The following ZKSCAN8 variants were observed in gnomAD, a reference collection of about 807,000 sequenced individuals.
The protein encoded by ZKSCAN8 is zinc finger protein with KRAB and SCAN domains 8.
Under a neutral mutation model 57.2 loss-of-function variants are expected in ZKSCAN8, and 27 were observed. The observed-to-expected ratio is 0.47, with a 90% CI of 0.35 to 0.65. The LOEUF (loss-of-function observed/expected upper bound fraction) is 0.65. ZKSCAN8 is among the 30% of genes least tolerant of loss of function. ZKSCAN8 has a pLI of 0.01. For synonymous variants in ZKSCAN8, 214 were observed against 248.7 expected (o/e 0.86, Z 1.31); for missense variants, 597 against 696.3 (o/e 0.86, Z 1.60).
At position 28,144,084 on chromosome 6, in the gene ZKSCAN8, G is replaced by T. The variant is rs144858115; in HGVS notation, c.-93+2055G>T. Among the ~76,000 whole-genome samples, 108 of 152,094 alleles carry T rather than the reference G, an allele frequency of 7.1e-4. No individual in the cohort carries two copies. The highest frequency in any genetic ancestry group is 4.6e-3 in the South Asian group (22 of 4,804). ...ATTTAACCATATCTTTTGCTCCTTGGTTCTTCTGATCTGTAGTTTACTCTC... is the reference window on the plus strand; with the variant it reads ...ATTTAACCATATCTTTTGCTCCTTGTTTCTTCTGATCTGTAGTTTACTCTC... On this transcript the variant is annotated intron_variant, in intron 1 of 5. Coordinates refer to ENST00000330236, the MANE Select transcript of ZKSCAN8 (RefSeq NM_006298.4). This position sits in a 1 kb window ranked among gnomAD's most constrained non-coding sequence, Gnocchi z 4.5.
rs762927371 is a variant in ZKSCAN8, at chr6:28,153,653, G to A, written c.1373G>A (p.Gly458Glu). Residue 458 changes from glycine to glutamate, a missense_variant, in exon 6 of 6, where the codon GGG (glycine) becomes GAG (glutamate). Coordinates refer to ENST00000330236, the MANE Select transcript of ZKSCAN8 (RefSeq NM_006298.4). ...ATTGGACATCAGAGAATCCACACTG[G>A]GGAGAAGCCCTATGAGTGTGATGAG... Reference protein sequence around the residue: ...HLIGHQRIHTGEKPYECDECG... With the variant: ...HLIGHQRIHTEEKPYECDECG... 6.2e-7 allele frequency: 1 copy of A among 1,613,926 alleles called. No homozygotes were observed. Among genetic ancestry groups the A allele is most frequent in the South Asian group, 1.1e-5 (1 of 91,070 alleles).
chr6:28,151,010 T>A (rs1765574221), intron 3 of ZKSCAN8, among the ~76,000 whole-genome samples: 2 of 152,160 alleles, frequency 1.3e-5, no homozygotes, highest in Admixed American at 1.3e-4. Flanking sequence ...TTCACTGTGT[T>A]GGCCAGGCTG....
chr6:28,141,637 G>A (rs931608141), upstream of ZKSCAN8, among the ~76,000 whole-genome samples: 13 of 152,224 alleles, frequency 8.5e-5, no homozygotes, highest in Middle Eastern at 3.2e-3. Flanking sequence ...GCGAGCGCGC[G>A]GAGCTGCATG....
rs1346416818 is a variant in ZKSCAN8 at position 28,155,777 on chromosome 6, A to G, written c.*1760A>G. 5.4e-6 allele frequency: 1 copy of G among 184,816 alleles called. No homozygotes were observed. Among genetic ancestry groups the G allele is most frequent in the Non-Finnish European group, 1.1e-5 (1 of 90,180 alleles). The allele number at this position is 184,816 out of a possible 1,614,324, so 11.4% of individuals were successfully genotyped here. ...TTGGATCATAAATTCTTTCCCTATA[A>G]CATTCCTTCTCTGCCTCTCTATGGC... On this transcript the variant is annotated 3_prime_UTR_variant, in exon 6 of 6. Coordinates refer to ENST00000330236, the MANE Select transcript of ZKSCAN8 (RefSeq NM_006298.4).
At chr6:28,147,387 T>C (rs1765433081) in intron 1 of ZKSCAN8, among the ~76,000 whole-genome samples, 1 of 152,098 alleles carries the variant, frequency 6.6e-6, no homozygotes, top group African/African-American at 2.4e-5. Context: ...ACAAAAACAA[T>C]ATCAAGTGCT....
rs1765779839 is a variant in ZKSCAN8 at position 28,156,263 on chromosome 6, C to T, written c.*2246C>T. The T allele has an allele frequency of 2.5e-6, 1 of 398,102 alleles. No homozygotes were observed. The highest frequency in any genetic ancestry group is 4.4e-5 in the Admixed American group (1 of 22,702). 24.7% of individuals were successfully genotyped at this position (398,102 alleles called of 1,614,324 possible). Reference sequence around the variant, plus strand: ...TCCTTTTAGCAATGCAACATATTAACAAAATTGGGTGCATTCAGGGTGGTA... The same window carrying T: ...TCCTTTTAGCAATGCAACATATTAATAAAATTGGGTGCATTCAGGGTGGTA... On this transcript the variant is annotated 3_prime_UTR_variant, in exon 6 of 6. Transcript: ENST00000330236.
At position 28,155,345 on chromosome 6, in the gene ZKSCAN8, G is replaced by T. The variant is rs1055016325; in HGVS notation, c.*1328G>T. 1 of 152,162 alleles carries T rather than the reference G, an allele frequency of 6.6e-6. No homozygotes were observed. The highest frequency in any genetic ancestry group is 2.1e-4 in the South Asian group (1 of 4,828). 9.4% of individuals were successfully genotyped at this position (152,162 alleles called of 1,614,324 possible). A position where few individuals can be genotyped will look rare whatever the true frequency, so the allele number is the denominator to read the frequency against. On this transcript the variant is annotated 3_prime_UTR_variant, in exon 6 of 6. Transcript: ENST00000330236. ...AATACTATATAAAGTAATGAGACTG[G>T]TTTAAAGTAACATGCCAGAACTTAC...
intron 1 of ZKSCAN8, among the ~76,000 whole-genome samples, chr6:28,142,436 C>T (rs771251657): frequency 6.6e-6 from 1 of 151,930 alleles, no homozygotes; most frequent in Non-Finnish European, 1.5e-5. Context: ...TTTGGAAGCC[C>T]CGTTTATCCA....
chr6:28,152,915 A>G, intron 5 of ZKSCAN8, 141 bp from the exon 6 acceptor site: 3 of 1,180,338 alleles, frequency 2.5e-6, no homozygotes, highest in Non-Finnish European at 3.6e-6. Context: ...TTAAGAAGCT[A>G]TTTTGGAGAC....
rs996179691 is a variant in ZKSCAN8, at chr6:28,159,158, A to G, written c.*5141A>G. 6.6e-6 allele frequency: 1 copy of G among 152,066 alleles called. No individual in the cohort carries two copies. Among genetic ancestry groups the G allele is most frequent in the African/African-American group, 2.4e-5 (1 of 41,398 alleles). 9.4% of individuals were successfully genotyped at this position (152,066 alleles called of 1,614,324 possible). ...CTCCCTTCAAAGCCTTTCTTCCTTT[A>G]TATCTTCTGACTGAGCTCTCCCTGA... On this transcript the variant is annotated 3_prime_UTR_variant, in exon 6 of 6. Transcript: ENST00000330236.
At chr6:28,152,826 A>T (rs1482100108) in intron 5 of ZKSCAN8, among the ~76,000 whole-genome samples, 1 of 151,782 alleles carries the variant, frequency 6.6e-6, no homozygotes, top group Admixed American at 6.6e-5. Flanking sequence ...TCCTGACTTT[A>T]GTTCCCCTTC....
At position 28,156,335 on chromosome 6, in the gene ZKSCAN8, G is replaced by A. The variant is rs1247169077; in HGVS notation, c.*2318G>A. On this transcript the variant is annotated 3_prime_UTR_variant, in exon 6 of 6. Transcript: ENST00000330236. ...CATTGAAATGTATACAGATGTACTA[G>A]CTAAAGTCTCTTTATGTGTCAGTAT... The A allele has an allele frequency of 7.6e-6, 3 of 396,936 alleles. No individual in the cohort carries two copies. The highest frequency in any genetic ancestry group is 1.3e-5 in the Non-Finnish European group (3 of 225,176). The allele number at this position is 396,936 out of a possible 1,614,324, so 24.6% of individuals were successfully genotyped here.
In ZKSCAN8 at chr6:28,157,538, A is replaced by G. The variant is rs888753488; in HGVS notation, c.*3521A>G. On this transcript the variant is annotated 3_prime_UTR_variant, in exon 6 of 6. Coordinates refer to ENST00000330236, the MANE Select transcript of ZKSCAN8 (RefSeq NM_006298.4). ...TTCTGACTACTGTGCTAAGGTGTGT[A>G]TAATGAACATGGTAATTCTAACCAG... 4.1e-4 allele frequency: 63 copies of G among 152,356 alleles called. No individual in the cohort carries two copies. The highest frequency in any genetic ancestry group is 1.4e-3 in the African/African-American group (60 of 41,572). The allele number at this position is 152,356 out of a possible 1,614,324, so 9.4% of individuals were successfully genotyped here.
chr6:28,149,554 T>A lies in ZKSCAN8; in HGVS notation c.489T>A (p.Pro163=). 6.2e-7 allele frequency: 1 copy of A among 1,614,112 alleles called. No homozygotes were observed. The highest frequency in any genetic ancestry group is 8.5e-7 in the Non-Finnish European group (1 of 1,180,024). The change falls in exon 3 of 6, where the codon CCT becomes CCA. Residue 163 remains proline, a synonymous_variant. Transcript: ENST00000330236. The part of the protein sequence containing the change: ...EVVHSASAPE[P]PNTQLQSEAT... Reference sequence around the variant, plus strand: ...TACATTCAGCATCTGCACCAGAGCCTCCAAATACTCAGCTCCAATCTGAGG... The same window carrying A: ...TACATTCAGCATCTGCACCAGAGCCACCAAATACTCAGCTCCAATCTGAGG...
chr6:28,152,581 C>T (rs1765626600), intron 5 of ZKSCAN8, among the ~76,000 whole-genome samples, 197 bp downstream of exon 5: 1 of 152,120 alleles, frequency 6.6e-6, no homozygotes, highest in Non-Finnish European at 1.5e-5. Context: ...ACATTTTGTA[C>T]CAGGGTACTG....
In ZKSCAN8 at chr6:28,154,455, G is replaced by T; in HGVS notation, c.*438G>T. ...TATTCCTAATCTGATCTAAGAAGCTGCTGTAGAGTCAGAAGTAGCTTCTGT... is the reference window on the plus strand; with the variant it reads ...TATTCCTAATCTGATCTAAGAAGCTTCTGTAGAGTCAGAAGTAGCTTCTGT... On this transcript the variant is annotated 3_prime_UTR_variant, in exon 6 of 6. Coordinates refer to ENST00000330236, the MANE Select transcript of ZKSCAN8 (RefSeq NM_006298.4). 1 of 157,718 alleles carries T rather than the reference G, an allele frequency of 6.3e-6. No homozygotes were observed. Among genetic ancestry groups the T allele is most frequent in the Non-Finnish European group, 1.4e-5 (1 of 71,816 alleles). The allele number at this position is 157,718 out of a possible 1,614,324, so 9.8% of individuals were successfully genotyped here.
intron 3 of ZKSCAN8, among the ~76,000 whole-genome samples, chr6:28,151,592 T>C (rs1166910037): frequency 2.6e-5 from 4 of 152,194 alleles, no homozygotes; most frequent in Non-Finnish European, 4.4e-5. Context: ...GAAAAGCGAT[T>C]CCTGTTAGGA....
At chr6:28,148,962 A>G in intron 2 of ZKSCAN8, 138 bp downstream of exon 2, 1 of 1,039,732 alleles carries the variant, frequency 9.6e-7, no homozygotes, top group East Asian at 2.6e-5. Context: ...TTAGTGTAGT[A>G]TGACTTGTAG....
rs1561824954 is a variant in ZKSCAN8, at chr6:28,154,870, C to G, written c.*853C>G. On this transcript the variant is annotated 3_prime_UTR_variant, in exon 6 of 6. Coordinates refer to ENST00000330236, the MANE Select transcript of ZKSCAN8 (RefSeq NM_006298.4). ...TTCTGACTCTCCTTCCACCTCCCCACTGTACACTGTGGTACAGATAGTTGG... is the reference window on the plus strand; with the variant it reads ...TTCTGACTCTCCTTCCACCTCCCCAGTGTACACTGTGGTACAGATAGTTGG... 1 of 152,652 alleles carries G rather than the reference C, an allele frequency of 6.6e-6. No homozygotes were observed. Among genetic ancestry groups the G allele is most frequent in the Non-Finnish European group, 1.5e-5 (1 of 68,046 alleles). 9.5% of individuals were successfully genotyped at this position (152,652 alleles called of 1,614,324 possible).
Sources: allele counts gnomAD v4.1 joint callset (sites outside exome capture counted in the v4.1 genomes callset), GRCh38; gene constraint gnomAD v4.1.1; non-coding constraint Gnocchi (gnomAD v3.1); transcripts MANE v1.5; gene names NCBI Gene and HGNC (gene_info 2026-07-23, HGNC 2026-07-21).